ESYT2: variants seen among roughly 807,000 people sequenced by gnomAD.
ESYT2 encodes the protein extended synaptotagmin-2.
ESYT2 carries 54 observed loss-of-function variants against 107.2 expected under a neutral mutation model. That is an observed-to-expected ratio of 0.50 (90% confidence interval 0.40 to 0.63). The LOEUF (loss-of-function observed/expected upper bound fraction) is 0.63. Ranked by LOEUF, ESYT2 falls within the 30% of genes least tolerant of loss-of-function variation. ESYT2 has a pLI of 0.00. For missense variants in ESYT2, 1,020 were observed against 1,094.5 expected (o/e 0.93, Z 0.96); for synonymous variants, 491 against 434.1 (o/e 1.13, Z -1.63).
intron 1 of ESYT2, among the ~76,000 whole-genome samples, chr7:158,825,589 A>G (rs756410677): frequency 2.6e-5 from 4 of 152,262 alleles, no homozygotes; most frequent in Non-Finnish European, 5.9e-5. Context: ...AATCAGGAAC[A>G]GTACATATAG....
chr7:158,799,531 T>G (rs948264057), intron 1 of ESYT2, among the ~76,000 whole-genome samples: 1 of 152,122 alleles, frequency 6.6e-6, no homozygotes, highest in Non-Finnish European at 1.5e-5. Context: ...GAGGCTGAGG[T>G]AGGAGGATCC....
At chr7:158,805,931 A>G (rs1299428978) in intron 1 of ESYT2, among the ~76,000 whole-genome samples, 2 of 152,078 alleles carry the variant, frequency 1.3e-5, no homozygotes, top group African/African-American at 4.8e-5. Flanking sequence ...GTCACCTAAA[A>G]CTCTTAACAG....
chr7:158,824,172 CT>C (rs1233263885), intron 1 of ESYT2, among the ~76,000 whole-genome samples: 3 of 152,142 alleles, frequency 2.0e-5, no homozygotes, highest in Non-Finnish European at 1.5e-5. Flanking sequence ...CGGTCACATC[CT>C]TTCCCTTCTG....
rs147587512 is a variant in ESYT2 at position 158,737,155 on chromosome 7, G to A, written c.2292C>T (p.Asp764=). The part of the protein sequence containing the change: ...ACRNLIAFSE[D]GSDPYVRMYL... Reference sequence around the variant, plus strand: ...ACATGCGGACATAGGGGTCAGAGCCGTCTTCAGAGAAGGCAATGAGGTTTC... The same window carrying A: ...ACATGCGGACATAGGGGTCAGAGCCATCTTCAGAGAAGGCAATGAGGTTTC... Residue 764 remains aspartate, a synonymous_variant, in exon 20 of 23, where the codon GAC becomes GAT. Coordinates refer to ENST00000275418, the MANE Select transcript of ESYT2 (RefSeq NM_001367773.1). The A allele has an allele frequency of 2.7e-4, 433 of 1,613,814 alleles. 7 individuals carry two copies. In the East Asian group the frequency reaches 4.9e-3, roughly 18 times the overall value.
rs376287662 is a variant in ESYT2, at chr7:158,829,281, C to T, written c.138G>A (p.Leu46=). 1.7e-4 allele frequency: 265 copies of T among 1,516,284 alleles called. 1 individual carries two copies. The African/African-American group carries it at 3.4e-3, about 19-fold the overall frequency. The allele number at this position is 1,516,284 out of a possible 1,614,324, so 93.9% of individuals were successfully genotyped here. A position where few individuals can be genotyped will look rare whatever the true frequency, so the allele number is the denominator to read the frequency against. Residue 46 remains leucine, a synonymous_variant, in exon 1 of 23, where the codon CTG becomes CTA. Transcript: ENST00000275418. ...LLAQLARSFA[L]LLPVYALGYL... ...AGCCCAGCGCGTACACGGGCAGCAGCAGCGCGAAGCTCCGCGCCAGCTGCG... is the reference window on the plus strand; with the variant it reads ...AGCCCAGCGCGTACACGGGCAGCAGTAGCGCGAAGCTCCGCGCCAGCTGCG...
chr7:158,741,099 G>A (rs938755551), intron 18 of ESYT2, among the ~76,000 whole-genome samples: 7 of 152,196 alleles, frequency 4.6e-5, no homozygotes, highest in Non-Finnish European at 1.0e-4. Context: ...CTGAGCAACA[G>A]GGATGGGATC....
chr7:158,811,766 A>G (rs1283119388), intron 1 of ESYT2, among the ~76,000 whole-genome samples: 1 of 152,246 alleles, frequency 6.6e-6, no homozygotes, highest in Non-Finnish European at 1.5e-5. Flanking sequence ...AACAGGGTTT[A>G]TGGACGTCTC....
At chr7:158,788,943 A>G (rs1012303324) in intron 4 of ESYT2, among the ~76,000 whole-genome samples, 3 of 152,212 alleles carry the variant, frequency 2.0e-5, no homozygotes, top group African/African-American at 7.2e-5. Flanking sequence ...CCTCAATTTT[A>G]CTCAATGATT....
intron 13 of ESYT2, among the ~76,000 whole-genome samples, chr7:158,757,646 C>CAGAG (rs1837808669): frequency 6.6e-6 from 1 of 152,210 alleles, no homozygotes; most frequent in African/African-American, 2.4e-5. Context: ...CCCCTTAATC[C>CAGAG]CGCGCCAGGC....
chr7:158,785,487 C>G (rs1450813187), intron 6 of ESYT2, among the ~76,000 whole-genome samples: 2 of 151,820 alleles, frequency 1.3e-5, no homozygotes, highest in African/African-American at 4.8e-5. Context: ...CCTCCAGTGT[C>G]AGGACTAAAC....
chr7:158,823,037 A>C (rs957270291), intron 1 of ESYT2, among the ~76,000 whole-genome samples: 2 of 151,950 alleles, frequency 1.3e-5, no homozygotes, highest in Non-Finnish European at 2.9e-5. Flanking sequence ...TCACGCCTGT[A>C]ATCCTAGCAC....
intron 1 of ESYT2, among the ~76,000 whole-genome samples, chr7:158,813,360 G>A (rs998152054): frequency 3.3e-5 from 5 of 152,168 alleles, no homozygotes; most frequent in Non-Finnish European, 5.9e-5. Flanking sequence ...CATTTGTCAA[G>A]ATCCACGGAA....
rs55828446 is a variant in ESYT2 at position 158,746,229 on chromosome 7, G to GACACACACACACAC, written c.1644+1951_1644+1964dup. 2.4e-3 allele frequency among the ~76,000 whole-genome samples: 357 copies of GACACACACACACAC among 148,008 alleles called. 2 individuals are homozygous for GACACACACACACAC. The highest frequency in any genetic ancestry group is 8.5e-3 in the South Asian group (39 of 4,590). On this transcript the variant is annotated intron_variant, in intron 16 of 22. Coordinates refer to ENST00000275418, the MANE Select transcript of ESYT2 (RefSeq NM_001367773.1). ...AACCGCATCTTTACATACATAAATA[G>GACACACACACACAC]ACACACACACACACACACACACACA...
At position 158,793,680 on chromosome 7, in the gene ESYT2, T is replaced by C. The variant is rs778221665; in HGVS notation, c.554A>G (p.Lys185Arg). 4 of 1,613,590 alleles carry C rather than the reference T, an allele frequency of 2.5e-6. No homozygotes were observed. The South Asian group carries it at 4.4e-5, about 18-fold the overall frequency. Residue 185 changes from lysine (K) to arginine (R), a missense_variant, in exon 4 of 23, where the codon AAA (lysine) becomes AGA (arginine). Physicochemically the swap from Lys to Arg is conservative, Grantham distance 26 (BLOSUM62 2). Transcript: ENST00000275418. ...CTGAAGGTCCAAAATAATTTGCCTT[T>C]TGTCTACATTTTCAGTGTATACCTT... ...GVKVYTENVD[K>R]RQIILDLQIS...
intron 4 of ESYT2, among the ~76,000 whole-genome samples, chr7:158,791,538 G>A (rs1407334576): frequency 6.6e-6 from 1 of 152,200 alleles, no homozygotes; most frequent in African/African-American, 2.4e-5. Context: ...TCTACCAACA[G>A]TGCACAAAGG....
chr7:158,828,064 C>T (rs766040413), intron 1 of ESYT2, among the ~76,000 whole-genome samples: 1 of 152,236 alleles, frequency 6.6e-6, no homozygotes, highest in East Asian at 1.9e-4. Context: ...CACACACATT[C>T]ACACTGGATT....
At chr7:158,746,465 G>A in intron 16 of ESYT2, among the ~76,000 whole-genome samples, 1 of 149,946 alleles carries the variant, frequency 6.7e-6, no homozygotes, top group East Asian at 2.0e-4. Context: ...AGCCATGACT[G>A]CACCACTGCA....
chr7:158,815,787 T>G (rs1234756912), intron 1 of ESYT2, among the ~76,000 whole-genome samples: 1 of 152,156 alleles, frequency 6.6e-6, no homozygotes, highest in Non-Finnish European at 1.5e-5. Context: ...TAGTATTGAA[T>G]CCAAGATGTG....
At chr7:158,808,065 A>G (rs920980149) in intron 1 of ESYT2, among the ~76,000 whole-genome samples, 5 of 152,102 alleles carry the variant, frequency 3.3e-5, no homozygotes, top group African/African-American at 1.2e-4. Flanking sequence ...AATACCCCAA[A>G]TCTTAACATT....
Sources: allele counts gnomAD v4.1 joint callset (sites outside exome capture counted in the v4.1 genomes callset), GRCh38; gene constraint gnomAD v4.1.1; transcripts MANE v1.5; gene names NCBI Gene and HGNC (gene_info 2026-07-23, HGNC 2026-07-21).